Variants in GRM3 observed in about 807,000 individuals in gnomAD.
GRM3 encodes metabotropic glutamate receptor 3.
In GRM3, 26 loss-of-function variants were observed where a neutral mutation model predicts 70.5. The ratio of observed to expected loss-of-function variants is 0.37; its 90% confidence interval spans 0.27 to 0.51. GRM3 has a LOEUF of 0.51. Among genes scored for constraint, GRM3 ranks in the 20% least tolerant of loss-of-function variants. The pLI, the probability that GRM3 is intolerant of heterozygous loss-of-function variation, is 0.93. For missense variants in GRM3, 859 were observed against 1,123.8 expected (o/e 0.76, Z 3.37); for synonymous variants, 443 against 434.9 (o/e 1.02, Z -0.23).
chr7:86,670,534 T>C (rs1562820201), intron 1 of GRM3, among the ~76,000 whole-genome samples: 1 of 152,206 alleles, frequency 6.6e-6, no homozygotes, highest in East Asian at 1.9e-4. Flanking sequence ...TTGGTTCCAT[T>C]TCCAAATGGC....
chr7:86,681,274 G>T (rs1195197624), intron 1 of GRM3, among the ~76,000 whole-genome samples: 1 of 152,112 alleles, frequency 6.6e-6, no homozygotes, highest in Non-Finnish European at 1.5e-5. Flanking sequence ...TTCAGCATAA[G>T]TGATGGAACC....
intron 3 of GRM3, among the ~76,000 whole-genome samples, chr7:86,823,516 C>T (rs1303601135): frequency 6.7e-6 from 1 of 149,956 alleles, no homozygotes; most frequent in East Asian, 2.0e-4. Context: ...GTGCTCTCTG[C>T]CCTTTTCTAA....
intron 3 of GRM3, among the ~76,000 whole-genome samples, chr7:86,788,201 C>T (rs1294939355): frequency 6.6e-6 from 1 of 152,212 alleles, no homozygotes; most frequent in Non-Finnish European, 1.5e-5. Flanking sequence ...ATGCTCAGAT[C>T]ATACTACCAT....
chr7:86,746,127 A>G (rs891842677), intron 1 of GRM3, among the ~76,000 whole-genome samples: 1 of 151,702 alleles, frequency 6.6e-6, no homozygotes, highest in African/African-American at 2.4e-5. Context: ...ATATCTTTCA[A>G]TAGTATTAAC....
At chr7:86,844,321 C>T (rs1478722731) in intron 4 of GRM3, among the ~76,000 whole-genome samples, 2 of 152,196 alleles carry the variant, frequency 1.3e-5, no homozygotes, top group African/African-American at 2.4e-5. Context: ...ATTCTATGTG[C>T]TATGCAGATG....
At chr7:86,681,321 C>T (rs777075077) in intron 1 of GRM3, among the ~76,000 whole-genome samples, 4 of 152,070 alleles carry the variant, frequency 2.6e-5, no homozygotes, top group Non-Finnish European at 5.9e-5. Flanking sequence ...TCCATACTGG[C>T]CAAGGGGATT....
At position 86,644,810 on chromosome 7, in the gene GRM3, G is replaced by A. The variant is rs1562810676; in HGVS notation, c.-203G>A. On this transcript the variant is annotated 5_prime_UTR_variant, in exon 1 of 6. Transcript: ENST00000361669. Reference sequence around the variant, plus strand: ...AACCATGAGCCAGAGCCCGGGTGCAGGCTCACCGCCGCCGCTGCCACCGCG... The same window carrying A: ...AACCATGAGCCAGAGCCCGGGTGCAAGCTCACCGCCGCCGCTGCCACCGCG... 3.1e-6 allele frequency: 4 copies of A among 1,289,758 alleles called. No individual in the cohort carries two copies. Among genetic ancestry groups the A allele is most frequent in the Non-Finnish European group, 4.0e-6 (4 of 988,818 alleles). 79.9% of individuals were successfully genotyped at this position (1,289,758 alleles called of 1,614,324 possible).
intron 3 of GRM3, among the ~76,000 whole-genome samples, chr7:86,788,672 T>G (rs1284900412): frequency 6.6e-6 from 1 of 152,114 alleles, no homozygotes; most frequent in Non-Finnish European, 1.5e-5. Context: ...TTGGAGTCAG[T>G]AAAAAAAGAA....
intron 2 of GRM3, among the ~76,000 whole-genome samples, chr7:86,772,612 C>T (rs1441692384): frequency 2.0e-5 from 3 of 152,052 alleles, no homozygotes; most frequent in South Asian, 2.1e-4. Flanking sequence ...AGAGCCTGTC[C>T]TCTTATCTAG....
chr7:86,787,108 A>G lies in GRM3; in HGVS notation c.1316A>G (p.Asn439Ser). Residue 439 changes from asparagine (N) to serine (S), a missense_variant, in exon 3 of 6, where the codon AAC (asparagine) becomes AGC (serine). Asn to Ser is a conservative substitution (Grantham distance 46, BLOSUM62 1). Transcript: ENST00000361669. ...KLYKDYLLKI[N>S]FTAPFNPNKD... is the part of the protein sequence containing the mutation. The stretch of plus-strand genomic sequence containing the variant: ...TACAAGGATTACTTGCTGAAAATCA[A>G]CTTCACGGGTAAGCCAAGAGCCTTT... 1 of 1,600,454 alleles carries G rather than the reference A, an allele frequency of 6.2e-7. No homozygotes were observed.
chr7:86,812,959 C>T (rs1797940809), intron 3 of GRM3, among the ~76,000 whole-genome samples: 1 of 151,446 alleles, frequency 6.6e-6, no homozygotes, highest in Admixed American at 6.6e-5. Context: ...ATGAGTTGGC[C>T]TATTTGGAGG....
intron 3 of GRM3, among the ~76,000 whole-genome samples, chr7:86,799,460 A>G (rs1797631277): frequency 6.6e-6 from 1 of 152,154 alleles, no homozygotes; most frequent in Non-Finnish European, 1.5e-5. Context: ...GCTTTTGCCC[A>G]TTCAGTATGA....
chr7:86,825,117 C>T (rs1004762375), intron 3 of GRM3, among the ~76,000 whole-genome samples: 1 of 152,154 alleles, frequency 6.6e-6, no homozygotes, highest in African/African-American at 2.4e-5. Context: ...TCCTGCCCTC[C>T]ACCTTCTAGT....
At chr7:86,689,382 A>T (rs1405445155) in intron 1 of GRM3, among the ~76,000 whole-genome samples, 1 of 152,062 alleles carries the variant, frequency 6.6e-6, no homozygotes, top group Non-Finnish European at 1.5e-5. Context: ...ATGTTATCCT[A>T]TTGTAAGATT....
At chr7:86,684,447 G>A (rs556656583) in intron 1 of GRM3, among the ~76,000 whole-genome samples, 34 of 152,234 alleles carry the variant, frequency 2.2e-4, no homozygotes, top group African/African-American at 7.7e-4. Flanking sequence ...CAGAATAAAC[G>A]ATTTAATGAA....
chr7:86,644,909 G>A (rs1218444807), intron 1 of GRM3, 37 bp downstream of exon 1: 1 of 1,202,284 alleles, frequency 8.3e-7, no homozygotes, highest in Non-Finnish European at 1.1e-6. Context: ...CCTCTGGAGG[G>A]CGCCCAGCCA....
intron 1 of GRM3, among the ~76,000 whole-genome samples, chr7:86,665,098 A>C (rs1355329936): frequency 6.6e-6 from 1 of 152,094 alleles, no homozygotes; most frequent in Non-Finnish European, 1.5e-5. Flanking sequence ...AGTTTCTATT[A>C]GTCAAACTAT....
At chr7:86,723,870 C>A (rs1269179721) in intron 1 of GRM3, among the ~76,000 whole-genome samples, 1 of 152,230 alleles carries the variant, frequency 6.6e-6, no homozygotes, top group Non-Finnish European at 1.5e-5. Flanking sequence ...GTTTGTTGAA[C>A]CCTCCTGGCT....
intron 1 of GRM3, among the ~76,000 whole-genome samples, chr7:86,704,784 G>C (rs1427078362): frequency 6.6e-6 from 1 of 151,800 alleles, no homozygotes; most frequent in African/African-American, 2.4e-5. Flanking sequence ...CTGTTTCTTT[G>C]AAATTTCTTT....
Sources: gnomAD v4.1 joint callset for allele counts (sites outside exome capture counted in the v4.1 genomes callset) on GRCh38, gnomAD v4.1.1 for gene constraint, MANE v1.5 for transcripts, NCBI Gene and HGNC (gene_info 2026-07-23, HGNC 2026-07-21) for gene names.